MAP9: variants seen among roughly 807,000 people sequenced by gnomAD.
MAP9 encodes microtubule associated protein 9, also known as microtubule-associated protein 9.
A neutral mutation model predicts 75.2 loss-of-function variants in MAP9; 80 were observed. The observed-to-expected ratio is 1.06, with a 90% CI of 0.89 to 1.28. MAP9 has a LOEUF of 1.28. Ranked by LOEUF, MAP9 falls within the 50% of genes most tolerant of loss-of-function variation. The probability of loss-of-function intolerance (pLI) is 0.00; values close to 1 mark genes in which losing one functional copy is unlikely to be tolerated. For synonymous variants in MAP9, 235 were observed against 237.3 expected (o/e 0.99, Z 0.09); for missense variants, 753 against 719.9 (o/e 1.05, Z -0.53).
intron 13 of MAP9, among the ~76,000 whole-genome samples, chr4:155,348,220 C>T (rs1731355385): frequency 6.8e-6 from 1 of 147,482 alleles, no homozygotes; most frequent in Admixed American, 6.8e-5. Context: ...GCCTATAGTC[C>T]CACCTACTTA....
intron 7 of MAP9, among the ~76,000 whole-genome samples, chr4:155,359,417 T>TA (rs1401243061): frequency 1.3e-5 from 2 of 152,016 alleles, no homozygotes; most frequent in African/African-American, 4.8e-5. Flanking sequence ...GGGTATGGAA[T>TA]AATAGATAAT....
rs1259566554 is a variant in MAP9 at position 155,342,838 on chromosome 4, T to TAATA, written c.*4941_*4944dup. The stretch of plus-strand genomic sequence containing the variant: ...TAACCTGCTGAGTTTTCTGATATTG[T>TAATA]AATACTAGATACAAGATGTCTGAAT... On this transcript the variant is annotated 3_prime_UTR_variant, in exon 14 of 14. Transcript: ENST00000311277. The TAATA allele has an allele frequency of 1.3e-5, 2 of 151,994 alleles. No individual in the cohort carries two copies. The highest frequency in any genetic ancestry group is 4.8e-5 in the African/African-American group (2 of 41,412). The allele number at this position is 151,994 out of a possible 1,614,324, so 9.4% of individuals were successfully genotyped here. A position where few individuals can be genotyped will look rare whatever the true frequency, so the allele number is the denominator to read the frequency against.
At chr4:155,356,024 G>C in intron 8 of MAP9, 140 bp from the exon 9 acceptor site, 1 of 728,194 alleles carries the variant, frequency 1.4e-6, no homozygotes, top group Non-Finnish European at 2.2e-6. Flanking sequence ...ACTTTGGAAG[G>C]CCAAAGTGGG....
In MAP9 at chr4:155,360,350, A is replaced by G; in HGVS notation, c.868T>C (p.Phe290Leu). ...LKSDENKENS[F>L]SADHVTTAVE... ...GCAGTAGTCACATGGTCTGCTGAAA[A>G]TGAATTCTCTTTATTTTCATCTGAT... The change falls in exon 7 of 14, where the codon TTT becomes CTT. Residue 290 changes from phenylalanine to leucine, a missense_variant. Transcript: ENST00000311277. The G allele has an allele frequency of 6.2e-7, 1 of 1,612,834 alleles. No homozygotes were observed. Among genetic ancestry groups the G allele is most frequent in the Non-Finnish European group, 8.5e-7 (1 of 1,179,208 alleles).
chr4:155,365,909 A>G (rs1257636404), intron 5 of MAP9, among the ~76,000 whole-genome samples: 1 of 151,904 alleles, frequency 6.6e-6, no homozygotes, highest in African/African-American at 2.4e-5. Flanking sequence ...ATATTTAAAG[A>G]AATGATAATA....
intron 8 of MAP9, chr4:155,357,065 A>C (rs1731824983): frequency 5.1e-6 from 1 of 197,086 alleles, no homozygotes; most frequent in African/African-American, 2.4e-5. Flanking sequence ...CAGCTTTATT[A>C]CCATTTTATA....
At chr4:155,362,265 C>T in intron 5 of MAP9, 124 bp from the exon 6 acceptor site, 1 of 619,984 alleles carries the variant, frequency 1.6e-6, no homozygotes, top group East Asian at 3.2e-5. Flanking sequence ...ATTATTTAGG[C>T]ATTTGTTGCT....
rs1292792194 is a variant in MAP9 at position 155,346,020 on chromosome 4, T to G, written c.*1763A>C. Reference sequence around the variant, plus strand: ...TGATAATCAGATCAATTTCATAAAGTATTACAGTTCTGGCCATATAGAAAG... The same window carrying G: ...TGATAATCAGATCAATTTCATAAAGGATTACAGTTCTGGCCATATAGAAAG... On this transcript the variant is annotated 3_prime_UTR_variant, in exon 14 of 14. Transcript: ENST00000311277. The G allele has an allele frequency of 6.6e-6, 1 of 152,184 alleles. No homozygotes were observed. The highest frequency in any genetic ancestry group is 1.9e-4 in the East Asian group (1 of 5,202). 9.4% of individuals were successfully genotyped at this position (152,184 alleles called of 1,614,324 possible).
chr4:155,357,224 C>T, intron 8 of MAP9: 1 of 473,148 alleles, frequency 2.1e-6, no homozygotes, highest in Non-Finnish European at 3.8e-6. Context: ...ACATTCCAGG[C>T]ACTAAAACAA....
intron 4 of MAP9, among the ~76,000 whole-genome samples, chr4:155,371,555 C>T (rs1266051537): frequency 6.6e-6 from 1 of 151,578 alleles, no homozygotes; most frequent in East Asian, 1.9e-4. Context: ...AAGAAAAGCG[C>T]TTTTTTTGGT....
chr4:155,371,653 G>A (rs1732600989), intron 4 of MAP9, among the ~76,000 whole-genome samples: 1 of 151,220 alleles, frequency 6.6e-6, no homozygotes, highest in Admixed American at 6.6e-5. Flanking sequence ...AGAGCATTTA[G>A]GATCCTGATG....
At chr4:155,372,152 A>C (rs7655882) in intron 4 of MAP9, among the ~76,000 whole-genome samples, 89 of 152,224 alleles carry the variant, frequency 5.8e-4, no homozygotes, top group Non-Finnish European at 8.4e-4. Flanking sequence ...CTCTGCTTAC[A>C]TCCTTTGCTC....
In MAP9 at chr4:155,346,073, C is replaced by G. The variant is rs1731275975; in HGVS notation, c.*1710G>C. 1.3e-5 allele frequency: 2 copies of G among 152,118 alleles called. No individual in the cohort carries two copies. Among genetic ancestry groups the G allele is most frequent in the Admixed American group, 1.3e-4 (2 of 15,262 alleles). The allele number at this position is 152,118 out of a possible 1,614,324, so 9.4% of individuals were successfully genotyped here. A position where few individuals can be genotyped will look rare whatever the true frequency, so the allele number is the denominator to read the frequency against. On this transcript the variant is annotated 3_prime_UTR_variant, in exon 14 of 14. Coordinates refer to ENST00000311277, the MANE Select transcript of MAP9 (RefSeq NM_001039580.2). ...TTCTAGTTTTATCTATGAAATTTCTCTTAATTGTCTATAGCACTGATACAA... is the reference window on the plus strand; with the variant it reads ...TTCTAGTTTTATCTATGAAATTTCTGTTAATTGTCTATAGCACTGATACAA...
chr4:155,357,555 T>C (rs571356327), intron 7 of MAP9, 36 bp from the exon 8 acceptor site: 2 of 1,257,610 alleles, frequency 1.6e-6, no homozygotes, highest in African/African-American at 1.5e-5. Flanking sequence ...GATTTATTCA[T>C]GACAACTATC....
At chr4:155,355,956 T>G in intron 8 of MAP9, 72 bp from the exon 9 acceptor site, 1 of 1,340,662 alleles carries the variant, frequency 7.5e-7, no homozygotes, top group Admixed American at 2.1e-5. Flanking sequence ...TGTTAGAATA[T>G]GCACGTATAA....
At chr4:155,372,054 T>C (rs1732623397) in intron 4 of MAP9, among the ~76,000 whole-genome samples, 2 of 152,188 alleles carry the variant, frequency 1.3e-5, no homozygotes, top group South Asian at 2.1e-4. Context: ...ATCATGAGGA[T>C]ACTGAAGCTT....
intron 7 of MAP9, among the ~76,000 whole-genome samples, chr4:155,359,933 G>A (rs1258459990): frequency 6.6e-6 from 1 of 151,944 alleles, no homozygotes; most frequent in Admixed American, 6.6e-5. Context: ...AGTATATTAT[G>A]ATCACACACC....
At chr4:155,364,510 AGAT>A (rs1732235514) in intron 5 of MAP9, among the ~76,000 whole-genome samples, 1 of 138,536 alleles carries the variant, frequency 7.2e-6, no homozygotes, top group African/African-American at 2.7e-5. Context: ...ACCTATATAT[AGAT>A]ATTGTCTACA....
intron 6 of MAP9, 134 bp from the exon 7 acceptor site, chr4:155,360,549 C>T: frequency 1.2e-6 from 1 of 853,110 alleles, no homozygotes; most frequent in Non-Finnish European, 1.7e-6. Flanking sequence ...GAAAAGTTAT[C>T]ATATTAAACT....
Sources: gnomAD v4.1 joint callset for allele counts (sites outside exome capture counted in the v4.1 genomes callset) on GRCh38, gnomAD v4.1.1 for gene constraint, MANE v1.5 for transcripts, NCBI Gene and HGNC (gene_info 2026-07-23, HGNC 2026-07-21) for gene names.